GPC5: variants seen among roughly 807,000 people sequenced by gnomAD.
The protein encoded by GPC5 is glypican 5.
Under a neutral mutation model 53.9 loss-of-function variants are expected in GPC5, and 47 were observed. The observed-to-expected ratio is 0.87, with a 90% CI of 0.69 to 1.11. The LOEUF is 1.11. Among genes scored for constraint, GPC5 ranks in the 50% most tolerant of loss-of-function variants. GPC5 has a pLI of 0.00. For missense variants in GPC5, 748 were observed against 713.1 expected (o/e 1.05, Z -0.56); for synonymous variants, 286 against 263.3 (o/e 1.09, Z -0.84).
intron 7 of GPC5, among the ~76,000 whole-genome samples, chr13:92,291,777 C>A (rs567314376): frequency 1.3e-5 from 2 of 152,304 alleles, no homozygotes; most frequent in South Asian, 2.1e-4. Flanking sequence ...TAGCTTCACT[C>A]CTGAAGCCAG....
chr13:91,731,664 C>T (rs2036701042), intron 4 of GPC5, among the ~76,000 whole-genome samples: 1 of 151,998 alleles, frequency 6.6e-6, no homozygotes, highest in Non-Finnish European at 1.5e-5. Context: ...GCTATTTGTC[C>T]TCATGCTCTC....
chr13:91,537,683 C>T (rs1886655286), intron 2 of GPC5, among the ~76,000 whole-genome samples: 2 of 152,180 alleles, frequency 1.3e-5, no homozygotes, highest in Admixed American at 1.3e-4. Flanking sequence ...GCCAATATTA[C>T]CCTGATACAC....
At chr13:92,512,930 A>G (rs745424507) in intron 7 of GPC5, among the ~76,000 whole-genome samples, 20 of 152,190 alleles carry the variant, frequency 1.3e-4, no homozygotes, top group Non-Finnish European at 1.9e-4. Flanking sequence ...GGTTTTGCTC[A>G]TAAATTGAAT....
At chr13:92,294,836 T>G (rs71432010) in intron 7 of GPC5, among the ~76,000 whole-genome samples, 12,007 of 144,096 alleles carry the variant, frequency 0.083, 592 homozygotes, top group Middle Eastern at 0.12. Flanking sequence ...CTTTTTTTTT[T>G]TTTTTTTTCC....
intron 6 of GPC5, among the ~76,000 whole-genome samples, chr13:92,103,095 C>T (rs962378147): frequency 3.3e-5 from 5 of 152,000 alleles, no homozygotes; most frequent in African/African-American, 1.2e-4. Context: ...CTCCTGGGCT[C>T]AAGTGATCCT....
chr13:92,740,854 A>C (rs1366635908), intron 7 of GPC5, among the ~76,000 whole-genome samples: 1 of 149,572 alleles, frequency 6.7e-6, no homozygotes, highest in Non-Finnish European at 1.5e-5. Flanking sequence ...AAAGTAGCCC[A>C]AATAACAAAT....
chr13:92,808,733 T>A (rs949725788), intron 7 of GPC5, among the ~76,000 whole-genome samples: 4 of 152,122 alleles, frequency 2.6e-5, no homozygotes, highest in Non-Finnish European at 4.4e-5. Context: ...GATATTTAAT[T>A]TGGGGCATTT....
intron 5 of GPC5, among the ~76,000 whole-genome samples, chr13:91,789,057 T>C (rs969322322): frequency 6.6e-6 from 1 of 151,938 alleles, no homozygotes; most frequent in Non-Finnish European, 1.5e-5. Flanking sequence ...CTACTAAAAA[T>C]ACCAAAATTA....
intron 7 of GPC5, among the ~76,000 whole-genome samples, chr13:92,347,030 T>C (rs2043418649): frequency 6.6e-6 from 1 of 151,796 alleles, no homozygotes; most frequent in Admixed American, 6.6e-5. Context: ...TGTAACGAAA[T>C]CCTACAGGAA....
intron 7 of GPC5, among the ~76,000 whole-genome samples, chr13:92,206,967 T>A (rs1161581455): frequency 2.0e-5 from 3 of 152,190 alleles, no homozygotes; most frequent in Admixed American, 1.3e-4. Flanking sequence ...ACAAAAATCA[T>A]CTTTTGCTAT....
chr13:92,236,935 C>G (rs2139109249), intron 7 of GPC5, among the ~76,000 whole-genome samples: 1 of 151,952 alleles, frequency 6.6e-6, no homozygotes, highest in East Asian at 1.9e-4. Context: ...TGGTTGTCAT[C>G]TTATGCATAA....
At chr13:92,199,635 TAGGCAAATATTAA>T (rs568004985) in intron 7 of GPC5, among the ~76,000 whole-genome samples, 90 of 152,292 alleles carry the variant, frequency 5.9e-4, no homozygotes, top group African/African-American at 2.1e-3. Flanking sequence ...GGCTATTTTA[TAGGCAAATATTAA>T]AGGCCCAATA....
chr13:92,275,105 C>T (rs1366012903), intron 7 of GPC5, among the ~76,000 whole-genome samples: 3 of 152,014 alleles, frequency 2.0e-5, no homozygotes, highest in African/African-American at 7.2e-5. Flanking sequence ...AATAGATTCT[C>T]TTACTTTCTT....
chr13:91,438,314 G>A (rs1401642315), intron 1 of GPC5, among the ~76,000 whole-genome samples: 1 of 152,146 alleles, frequency 6.6e-6, no homozygotes, highest in African/African-American at 2.4e-5. Context: ...GGTCTTTGAT[G>A]ATTGTGACGT....
intron 7 of GPC5, among the ~76,000 whole-genome samples, chr13:92,422,215 T>C (rs183285870): frequency 3.3e-5 from 5 of 152,166 alleles, no homozygotes; most frequent in African/African-American, 1.2e-4. Context: ...TGAAGAGAAC[T>C]TTAGCTTGTT....
chr13:92,040,546 G>A (rs186434229), intron 6 of GPC5, among the ~76,000 whole-genome samples: 1 of 152,304 alleles, frequency 6.6e-6, no homozygotes, highest in Non-Finnish European at 1.5e-5. Context: ...AATAAACCGG[G>A]TGGAATGAAG....
At chr13:91,797,336 A>G (rs2138764602) in intron 5 of GPC5, among the ~76,000 whole-genome samples, 1 of 152,276 alleles carries the variant, frequency 6.6e-6, no homozygotes, top group African/African-American at 2.4e-5. Context: ...AAGTAGTGGC[A>G]TTTTTGTTGA....
chr13:92,319,281 A>G (rs1253494383), intron 7 of GPC5, among the ~76,000 whole-genome samples: 2 of 152,142 alleles, frequency 1.3e-5, no homozygotes, highest in Non-Finnish European at 2.9e-5. Context: ...ATTGAATTAA[A>G]TATACATGTA....
At chr13:91,473,890 T>G (rs1341547011) in intron 2 of GPC5, among the ~76,000 whole-genome samples, 1 of 152,184 alleles carries the variant, frequency 6.6e-6, no homozygotes, top group Non-Finnish European at 1.5e-5. Context: ...TCAACAAGAA[T>G]GTAGTTTGAA....
Sources: allele counts gnomAD v4.1 joint callset (sites outside exome capture counted in the v4.1 genomes callset), GRCh38; gene constraint gnomAD v4.1.1; transcripts MANE v1.5; gene names NCBI Gene and HGNC (gene_info 2026-07-23, HGNC 2026-07-21).